Variants in ARHGAP5 observed in about 807,000 individuals in gnomAD.
ARHGAP5 encodes the protein Rho GTPase activating protein 5.
A neutral mutation model predicts 116.6 loss-of-function variants in ARHGAP5; 23 were observed. The ratio of observed to expected loss-of-function variants is 0.20; its 90% CI spans 0.14 to 0.28. ARHGAP5 has a LOEUF of 0.28. Ranked by LOEUF, ARHGAP5 falls within the 10% of genes least tolerant of loss-of-function variation. The probability of loss-of-function intolerance (pLI) is 1.00; values close to 1 mark genes in which losing one functional copy is unlikely to be tolerated. For synonymous variants in ARHGAP5, 574 were observed against 602.0 expected (o/e 0.95, Z 0.68); for missense variants, 1,405 against 1,774.8 (o/e 0.79, Z 3.74).
chr14:32,140,090 A>ATTTTTTTTTTTTTTTTTTTTTTTTTTT (rs1566681657), intron 3 of ARHGAP5, among the ~76,000 whole-genome samples: 1 of 44,302 alleles, frequency 2.3e-5, no homozygotes, highest in South Asian at 9.1e-4. Context: ...TTTTTAGGTT[A>ATTTTTTTTTTTTTTTTTTTTTTTTTTT]TTTGTTCTTT....
intron 2 of ARHGAP5, among the ~76,000 whole-genome samples, chr14:32,095,201 T>G (rs1197550736): frequency 6.6e-6 from 1 of 152,210 alleles, no homozygotes; most frequent in Non-Finnish European, 1.5e-5. Context: ...TTATCAATAT[T>G]TATTTTCTAC....
At chr14:32,137,111 T>G (rs1181580716) in intron 3 of ARHGAP5, among the ~76,000 whole-genome samples, 1 of 151,786 alleles carries the variant, frequency 6.6e-6, no homozygotes, top group Admixed American at 6.6e-5. Context: ...GGATGTATAT[T>G]GTTGCTCATG....
chr14:32,158,052 A>G lies in ARHGAP5; in HGVS notation c.*3104A>G, dbSNP rs1350513615. The G allele has an allele frequency of 6.6e-6, 1 of 151,784 alleles. No individual in the cohort carries two copies. The highest frequency in any genetic ancestry group is 1.5e-5 in the Non-Finnish European group (1 of 67,738). The allele number at this position is 151,784 out of a possible 1,614,324, so 9.4% of individuals were successfully genotyped here. A position where few individuals can be genotyped will look rare whatever the true frequency, so the allele number is the denominator to read the frequency against. Reference sequence around the variant, plus strand: ...TTAATGTAATTTTTGTGCTTCACCTACAGGATGCTGCAGTAAATTAAATAT... The same window carrying G: ...TTAATGTAATTTTTGTGCTTCACCTGCAGGATGCTGCAGTAAATTAAATAT... On this transcript the variant is annotated 3_prime_UTR_variant, in exon 7 of 7. Coordinates refer to ENST00000345122, the MANE Select transcript of ARHGAP5 (RefSeq NM_001030055.2).
At chr14:32,099,765 T>C (rs1342300982) in intron 2 of ARHGAP5, among the ~76,000 whole-genome samples, 1 of 152,188 alleles carries the variant, frequency 6.6e-6, no homozygotes, top group East Asian at 1.9e-4. Context: ...TGTGCTTTGC[T>C]TGAGCCATAG....
At chr14:32,095,914 A>G (rs141838452) in intron 2 of ARHGAP5, among the ~76,000 whole-genome samples, 37 of 152,074 alleles carry the variant, frequency 2.4e-4, no homozygotes, top group African/African-American at 7.0e-4. Flanking sequence ...CAGCCTTTCC[A>G]TTTTTAAATT....
intron 5 of ARHGAP5, among the ~76,000 whole-genome samples, 158 bp downstream of exon 5, chr14:32,150,191 T>C (rs1881579022): frequency 6.6e-6 from 1 of 152,196 alleles, no homozygotes; most frequent in African/African-American, 2.4e-5. Context: ...TAAATTAAAA[T>C]CAGAATCCCT....
At position 32,149,969 on chromosome 14, in the gene ARHGAP5, C is replaced by G; in HGVS notation, c.4011C>G (p.Phe1337Leu). Residue 1337 changes from phenylalanine (F) to leucine (L), a missense_variant, in exon 5 of 7, where the codon TTC (phenylalanine) becomes TTG (leucine). Phe to Leu is a conservative substitution (Grantham distance 22). Transcript: ENST00000345122. ...VNAVAGALKA[F>L]FADLPDPLIP... The stretch of plus-strand genomic sequence containing the variant: ...CTGTAGCTGGAGCCCTTAAAGCTTT[C>G]TTTGCAGATCTGCCAGATCCTTTAA... 6.2e-7 allele frequency: 1 copy of G among 1,607,998 alleles called. No individual in the cohort carries two copies. The highest frequency in any genetic ancestry group is 8.5e-7 in the Non-Finnish European group (1 of 1,176,840).
chr14:32,093,911 A>G lies in ARHGAP5; in HGVS notation c.3242A>G (p.His1081Arg). Reference sequence around the variant, plus strand: ...CAGACTTCCCGGGTGCCTTTGGCACATCCTGAAGATATGGATCCTTCAGAT... The same window carrying G: ...CAGACTTCCCGGGTGCCTTTGGCACGTCCTGAAGATATGGATCCTTCAGAT... ...RKQTSRVPLA[H>R]PEDMDPSDNY... Residue 1081 changes from histidine to arginine, a missense_variant, in exon 2 of 7, where the codon CAT becomes CGT. By Grantham distance (29) the His-to-Arg change is conservative. Transcript: ENST00000345122. 6 of 1,614,178 alleles carry G rather than the reference A, an allele frequency of 3.7e-6. No homozygotes were observed. Among genetic ancestry groups the G allele is most frequent in the Non-Finnish European group, 5.1e-6 (6 of 1,180,014 alleles).
At chr14:32,134,406 T>G (rs1461147120) in intron 3 of ARHGAP5, among the ~76,000 whole-genome samples, 1 of 152,228 alleles carries the variant, frequency 6.6e-6, no homozygotes, top group Non-Finnish European at 1.5e-5. Flanking sequence ...CTTATTCCTG[T>G]AATGGCATTG....
At chr14:32,140,317 C>T (rs994769779) in intron 3 of ARHGAP5, among the ~76,000 whole-genome samples, 2 of 151,782 alleles carry the variant, frequency 1.3e-5, no homozygotes, top group African/African-American at 4.8e-5. Flanking sequence ...CACAGTGGCC[C>T]ACGCCTGTGA....
chr14:32,140,082 TTTAGG>T (rs1881023713), intron 3 of ARHGAP5, among the ~76,000 whole-genome samples: 4 of 144,474 alleles, frequency 2.8e-5, no homozygotes, highest in Admixed American at 1.4e-4. Flanking sequence ...TTTTTTTTTT[TTTAGG>T]TTATTTGTTC....
At chr14:32,127,821 C>T (rs1311762569) in intron 3 of ARHGAP5, among the ~76,000 whole-genome samples, 2 of 150,604 alleles carry the variant, frequency 1.3e-5, no homozygotes, top group Admixed American at 6.6e-5. Context: ...ACGGGGTGGC[C>T]GGGCGGAGAT....
intron 3 of ARHGAP5, among the ~76,000 whole-genome samples, chr14:32,131,250 T>G (rs1324493890): frequency 1.3e-5 from 2 of 148,702 alleles, no homozygotes; most frequent in African/African-American, 5.1e-5. Context: ...CTTGTCATAC[T>G]TCTTTTTTTT....
chr14:32,129,497 A>G (rs1880364669), intron 3 of ARHGAP5, among the ~76,000 whole-genome samples: 1 of 152,222 alleles, frequency 6.6e-6, no homozygotes, highest in South Asian at 2.1e-4. Flanking sequence ...CCTTCTCTGT[A>G]TATTGGTCTA....
rs1881920756 is a variant in ARHGAP5, at chr14:32,157,020, A to G, written c.*2072A>G. The G allele has an allele frequency of 6.6e-6, 1 of 152,232 alleles. No individual in the cohort carries two copies. The highest frequency in any genetic ancestry group is 6.6e-5 in the Admixed American group (1 of 15,242). The allele number at this position is 152,232 out of a possible 1,614,324, so 9.4% of individuals were successfully genotyped here. A position where few individuals can be genotyped will look rare whatever the true frequency, so the allele number is the denominator to read the frequency against. ...TTAATGTTCATCTGCGTTTAGTACC[A>G]TTTTTGTTATTAAAACTGGCATTTA... On this transcript the variant is annotated 3_prime_UTR_variant, in exon 7 of 7. Coordinates refer to ENST00000345122, the MANE Select transcript of ARHGAP5 (RefSeq NM_001030055.2).
chr14:32,154,477 A>G (rs1303727343), intron 6 of ARHGAP5, 144 bp from the exon 7 acceptor site: 6 of 745,456 alleles, frequency 8.0e-6, no homozygotes, highest in Non-Finnish European at 1.3e-5. Context: ...TACGAATTAA[A>G]GATGCTTCTT....
intron 3 of ARHGAP5, among the ~76,000 whole-genome samples, chr14:32,139,612 C>G (rs1053497514): frequency 6.6e-6 from 1 of 151,738 alleles, no homozygotes; most frequent in Non-Finnish European, 1.5e-5. Flanking sequence ...CTTGGTAAAT[C>G]TAGCTAAAGG....
rs762127926 is a variant in ARHGAP5, at chr14:32,146,248, T to C, written c.3866-15T>C. On this transcript the variant is annotated splice_polypyrimidine_tract_variant and intron_variant, in intron 3 of 6. Transcript: ENST00000345122. ...ATGTGTTTATTAAAGTATGCATATTTCTTTATTCTCTTAGGGTTATGTACC... is the reference window on the plus strand; with the variant it reads ...ATGTGTTTATTAAAGTATGCATATTCCTTTATTCTCTTAGGGTTATGTACC... 4 of 1,583,428 alleles carry C rather than the reference T, an allele frequency of 2.5e-6. No individual in the cohort carries two copies. The South Asian group carries it at 4.4e-5, about 18-fold the overall frequency.
chr14:32,088,312 A>G (rs1594342081), intron 1 of ARHGAP5, among the ~76,000 whole-genome samples: 1 of 151,952 alleles, frequency 6.6e-6, no homozygotes, highest in Non-Finnish European at 1.5e-5. Context: ...TAATCACCAG[A>G]TAAGTCTTCT....
Sources: gnomAD v4.1 joint callset for allele counts (sites outside exome capture counted in the v4.1 genomes callset) on GRCh38, gnomAD v4.1.1 for gene constraint, MANE v1.5 for transcripts, NCBI Gene and HGNC (gene_info 2026-07-23, HGNC 2026-07-21) for gene names.